Variants in PCSK6 observed in about 807,000 individuals in gnomAD.
PCSK6 encodes the protein paired basic amino acid cleaving enzyme 4.
PCSK6 carries 85 observed loss-of-function variants against 123.3 expected under a neutral mutation model. The observed-to-expected ratio is 0.69, with a 90% CI of 0.58 to 0.83. PCSK6 has a LOEUF of 0.83. PCSK6 is among the 40% of genes least tolerant of loss of function. PCSK6 has a pLI of 0.00. For missense variants in PCSK6, 1,191 were observed against 1,282.3 expected, an observed-to-expected ratio of 0.93 and a Z score of 1.09; for synonymous variants, 508 against 516.0, an observed-to-expected ratio of 0.98 and a Z score of 0.21.
rs912566422 is a variant in PCSK6, at chr15:101,320,415, C to T, written c.2466-1993G>A. On this transcript the variant is annotated intron_variant, in intron 18 of 21. Coordinates refer to ENST00000611716, the MANE Select transcript of PCSK6 (RefSeq NM_002570.5). ...CTATATATTTATTACGTATATCTTACGGTTCACTGGAGAACTGCTTGGTGT... is the reference window on the plus strand; with the variant it reads ...CTATATATTTATTACGTATATCTTATGGTTCACTGGAGAACTGCTTGGTGT... 6.6e-5 allele frequency among the ~76,000 whole-genome samples: 10 copies of T among 152,182 alleles called. No homozygotes were observed. In the South Asian group the frequency reaches 1.0e-3, roughly 16 times the overall value.
chr15:101,386,285 G>C (rs28564113), intron 9 of PCSK6, among the ~76,000 whole-genome samples: 95,363 of 151,952 alleles, frequency 0.63, 31,148 homozygotes, highest in Admixed American at 0.74. Context: ...AGCTGCCCCG[G>C]CCTCCCCAGT....
intron 6 of PCSK6, among the ~76,000 whole-genome samples, chr15:101,421,404 A>C (rs1241900987): frequency 6.6e-6 from 1 of 152,212 alleles, no homozygotes; most frequent in Non-Finnish European, 1.5e-5. Flanking sequence ...GGTGCGACCA[A>C]ATTTCTTTCC....
At chr15:101,346,561 C>T in intron 13 of PCSK6, 1 of 318,506 alleles carries the variant, frequency 3.1e-6, no homozygotes, top group Non-Finnish European at 5.6e-6. Flanking sequence ...GTAATAAAGT[C>T]AAATGTTCGA....
intron 13 of PCSK6, among the ~76,000 whole-genome samples, chr15:101,353,270 G>A (rs951030284): frequency 5.9e-5 from 9 of 152,164 alleles, no homozygotes; most frequent in African/African-American, 1.9e-4. Context: ...TCCCTGGCAC[G>A]TGCAGTTCAC....
Position 101,398,268 on chromosome 15 carries a change from T to C in PCSK6, c.996+136A>G. 9.2e-7 allele frequency: 1 copy of C among 1,091,248 alleles called. No homozygotes were observed. The highest frequency in any genetic ancestry group is 1.3e-6 in the Non-Finnish European group (1 of 769,118). The allele number at this position is 1,091,248 out of a possible 1,614,324, so 67.6% of individuals were successfully genotyped here. A position where few individuals can be genotyped will look rare whatever the true frequency, so the allele number is the denominator to read the frequency against. Reference sequence around the variant, plus strand: ...GACTCCCCGAGTGACTCCTCCACACTGGCCCTGGCACCTGTCACAGCAGAG... The same window carrying C: ...GACTCCCCGAGTGACTCCTCCACACCGGCCCTGGCACCTGTCACAGCAGAG... On this transcript the variant is annotated intron_variant, in intron 7 of 21. Coordinates refer to ENST00000611716, the MANE Select transcript of PCSK6 (RefSeq NM_002570.5). This position sits in a 1 kb window ranked among gnomAD's most constrained non-coding sequence, Gnocchi z 4.6.
At chr15:101,391,308 G>C (rs543018644) in intron 8 of PCSK6, among the ~76,000 whole-genome samples, 8 of 152,326 alleles carry the variant, frequency 5.3e-5, no homozygotes, top group African/African-American at 1.7e-4. Context: ...GTAAATGGTG[G>C]CCAGGAGGAG....
chr15:101,378,642 C>T (rs2041820316), intron 11 of PCSK6, among the ~76,000 whole-genome samples: 1 of 152,306 alleles, frequency 6.6e-6, no homozygotes, highest in African/African-American at 2.4e-5. Flanking sequence ...AGCAGGGGGC[C>T]TGGCTCCTTG....
chr15:101,441,466 T>C (rs541613553), intron 2 of PCSK6, among the ~76,000 whole-genome samples: 20 of 151,920 alleles, frequency 1.3e-4, no homozygotes, highest in African/African-American at 4.1e-4. Context: ...TGGGCAGCTC[T>C]GCATTACTCA....
chr15:101,445,044 C>T (rs1004427984), intron 1 of PCSK6, among the ~76,000 whole-genome samples: 1 of 152,214 alleles, frequency 6.6e-6, no homozygotes, highest in Admixed American at 6.5e-5. Flanking sequence ...CCCTTTTCTA[C>T]TTCAGCTTGC....
chr15:101,366,750 G>A (rs2041406117), intron 12 of PCSK6, among the ~76,000 whole-genome samples: 1 of 152,168 alleles, frequency 6.6e-6, no homozygotes, highest in Non-Finnish European at 1.5e-5. Flanking sequence ...AAGCAGACAG[G>A]GGCGGGGGTC....
chr15:101,463,416 C>A (rs2057382568), intron 1 of PCSK6, among the ~76,000 whole-genome samples: 1 of 152,138 alleles, frequency 6.6e-6, no homozygotes, highest in Non-Finnish European at 1.5e-5. Flanking sequence ...TCCTTTGGGG[C>A]CAAGCGTTGC....
rs116582344 is a variant in PCSK6, at chr15:101,471,624, T to C, written c.297+17750A>G. ...CAACATACACATCATTATTTGCTTA[T>C]AGATTTATTTCTTTTGAGATAAAAT... On this transcript the variant is annotated intron_variant, in intron 1 of 21. Coordinates refer to ENST00000611716, the MANE Select transcript of PCSK6 (RefSeq NM_002570.5). Among the ~76,000 whole-genome samples the C allele has an allele frequency of 3.7e-3, 567 of 152,368 alleles. 4 individuals carry two copies. Among genetic ancestry groups the C allele is most frequent in the African/African-American group, 0.013 (534 of 41,586 alleles).
intron 20 of PCSK6, 89 bp downstream of exon 20, chr15:101,313,287 C>T: frequency 6.2e-7 from 1 of 1,605,098 alleles, no homozygotes; most frequent in Non-Finnish European, 8.5e-7. Flanking sequence ...CCCTCCCCGG[C>T]CCCTGGGGAA....
chr15:101,433,026 T>G (rs2056495192), intron 2 of PCSK6, among the ~76,000 whole-genome samples: 2 of 152,250 alleles, frequency 1.3e-5, no homozygotes, highest in Non-Finnish European at 2.9e-5. Context: ...TAAATGTCTT[T>G]CAATCAGCAT....
At chr15:101,379,242 C>T (rs750823252) in intron 11 of PCSK6, among the ~76,000 whole-genome samples, 6 of 152,358 alleles carry the variant, frequency 3.9e-5, no homozygotes, top group East Asian at 1.9e-4. Context: ...TTCCAGCCCA[C>T]GGCTGGGGGT....
At chr15:101,356,207 A>AC (rs1412733998) in intron 13 of PCSK6, among the ~76,000 whole-genome samples, 1 of 152,198 alleles carries the variant, frequency 6.6e-6, no homozygotes, top group Non-Finnish European at 1.5e-5. Context: ...CTCTGCCTGC[A>AC]CCGTTGCCAG....
chr15:101,354,208 T>C (rs1461742889), intron 13 of PCSK6, among the ~76,000 whole-genome samples: 1 of 152,068 alleles, frequency 6.6e-6, no homozygotes, highest in East Asian at 1.9e-4. Context: ...CACACACAGA[T>C]ACATGTACAA....
intron 13 of PCSK6, chr15:101,364,836 CA>C: frequency 1.8e-6 from 1 of 552,262 alleles, no homozygotes; most frequent in Non-Finnish European, 3.4e-6. Flanking sequence ...ACACGGGACC[CA>C]AAATAGCCAA....
intron 6 of PCSK6, among the ~76,000 whole-genome samples, chr15:101,411,567 A>G (rs2141621640): frequency 6.6e-6 from 1 of 152,298 alleles, no homozygotes; most frequent in Admixed American, 6.5e-5. Context: ...GTTTGAGGAA[A>G]ACCCATCCCA....
Sources: gnomAD v4.1 joint callset for allele counts (sites outside exome capture counted in the v4.1 genomes callset) on GRCh38, gnomAD v4.1.1 for gene constraint, Gnocchi (gnomAD v3.1) non-coding constraint, MANE v1.5 for transcripts, NCBI Gene and HGNC (gene_info 2026-07-23, HGNC 2026-07-21) for gene names.